The following LINGO2 variants were observed in gnomAD, a reference collection of about 807,000 sequenced individuals.
The protein encoded by LINGO2 is leucine-rich repeat and immunoglobulin-like domain-containing nogo receptor-interacting protein 2.
LINGO2 carries 14 observed loss-of-function variants against 30.6 expected under a neutral mutation model. The ratio of observed to expected loss-of-function variants is 0.46; its 90% confidence interval spans 0.30 to 0.72. LINGO2 has a LOEUF of 0.72. Among genes scored for constraint, LINGO2 ranks in the 30% least tolerant of loss-of-function variants. LINGO2 has a pLI of 0.07. For synonymous variants in LINGO2, 317 were observed against 288.5 expected (o/e 1.10, Z -1.00); for missense variants, 729 against 751.7 (o/e 0.97, Z 0.35).
intron 4 of LINGO2, among the ~76,000 whole-genome samples, chr9:28,021,714 G>A (rs1823133423): frequency 6.6e-6 from 1 of 152,074 alleles, no homozygotes; most frequent in Admixed American, 6.6e-5. Flanking sequence ...TACTCTTGGA[G>A]AACTGACCTA....
the LINGO2 span, among the ~76,000 whole-genome samples, chr9:29,101,201 G>A: frequency 1.3e-5 from 2 of 152,156 alleles, no homozygotes; most frequent in Non-Finnish European, 2.9e-5. Context: ...TTGGAAAGGA[G>A]TAATACAACA....
At chr9:28,950,684 A>G in the LINGO2 span, among the ~76,000 whole-genome samples, 2 of 152,190 alleles carry the variant, frequency 1.3e-5, no homozygotes, top group African/African-American at 4.8e-5. Context: ...AATACAAGTT[A>G]CAAGGGATGT....
chr9:28,565,150 T>C (rs1156752398), intron 1 of LINGO2, among the ~76,000 whole-genome samples: 2 of 152,174 alleles, frequency 1.3e-5, no homozygotes, highest in African/African-American at 4.8e-5. Context: ...GTTTAATTTA[T>C]AATATTCACA....
chr9:29,138,340 G>A, the LINGO2 span, among the ~76,000 whole-genome samples: 1 of 151,910 alleles, frequency 6.6e-6, no homozygotes. Flanking sequence ...CAGAAACTTA[G>A]ACCCAAAAGT....
rs183107361 is a variant in LINGO2 at position 28,021,722 on chromosome 9, C to T, written c.-86-9317G>A. ...TGTTATGTACTCTTGGAGAACTGAC[C>T]TATTTATATAATGCTCTTTATCCCA... On this transcript the variant is annotated intron_variant, in intron 4 of 5. Transcript: ENST00000379992. 3.8e-4 allele frequency among the ~76,000 whole-genome samples: 58 copies of T among 152,128 alleles called. No homozygotes were observed. The East Asian group carries it at 0.01, about 26-fold the overall frequency.
chr9:28,742,871 T>C, the LINGO2 span, among the ~76,000 whole-genome samples: 1 of 151,966 alleles, frequency 6.6e-6, no homozygotes, highest in African/African-American at 2.4e-5. Context: ...AAATACATTA[T>C]ACTTATATTT....
intron 2 of LINGO2, among the ~76,000 whole-genome samples, chr9:28,400,600 G>A (rs1822223934): frequency 6.6e-6 from 1 of 152,108 alleles, no homozygotes; most frequent in African/African-American, 2.4e-5. Context: ...TGCATTGTAA[G>A]GTATCGTTAA....
chr9:28,662,641 T>G (rs1242762086), intron 1 of LINGO2, among the ~76,000 whole-genome samples: 1 of 152,188 alleles, frequency 6.6e-6, no homozygotes, highest in Admixed American at 6.5e-5. Context: ...CAACTTAATC[T>G]CTTTAGCCCT....
chr9:28,187,398 G>A (rs1232640952), intron 4 of LINGO2, among the ~76,000 whole-genome samples: 1 of 151,840 alleles, frequency 6.6e-6, no homozygotes, highest in African/African-American at 2.4e-5. Flanking sequence ...GCTGAGGCAG[G>A]AGAATCAGTT....
the LINGO2 span, among the ~76,000 whole-genome samples, chr9:28,787,351 G>C: frequency 6.6e-6 from 1 of 152,080 alleles, no homozygotes; most frequent in Non-Finnish European, 1.5e-5. Flanking sequence ...GTATATAACT[G>C]TATCTATACC....
At chr9:27,962,211 T>C (rs1819882816) in intron 5 of LINGO2, among the ~76,000 whole-genome samples, 1 of 152,168 alleles carries the variant, frequency 6.6e-6, no homozygotes, top group Non-Finnish European at 1.5e-5. Context: ...TCGTTTTTTA[T>C]AGATTCCACT....
chr9:29,141,219 A>G, the LINGO2 span, among the ~76,000 whole-genome samples: 1 of 152,052 alleles, frequency 6.6e-6, no homozygotes, highest in African/African-American at 2.4e-5. Context: ...TAAAAAAACT[A>G]TAACTATAAA....
chr9:29,102,084 C>CA, the LINGO2 span, among the ~76,000 whole-genome samples: 1 of 145,100 alleles, frequency 6.9e-6, no homozygotes, highest in African/African-American at 2.5e-5. Context: ...ACATCTGCAT[C>CA]TTTTTTTTTT....
chr9:29,088,462 C>T, the LINGO2 span, among the ~76,000 whole-genome samples: 28,543 of 152,094 alleles, frequency 0.19, 2,753 homozygotes, highest in South Asian at 0.25. Context: ...CCATTCTTTA[C>T]ACCTTAGATA....
At chr9:29,051,612 G>T in the LINGO2 span, among the ~76,000 whole-genome samples, 1 of 152,092 alleles carries the variant, frequency 6.6e-6, no homozygotes, top group African/African-American at 2.4e-5. Flanking sequence ...TCTCATATGA[G>T]ATGTTTTCCT....
At chr9:28,562,812 T>G (rs550065884) in intron 1 of LINGO2, among the ~76,000 whole-genome samples, 2 of 152,224 alleles carry the variant, frequency 1.3e-5, no homozygotes, top group Non-Finnish European at 2.9e-5. Flanking sequence ...TTACAAAAAC[T>G]GTTTGAATAA....
At chr9:28,993,635 G>GAATAA in the LINGO2 span, among the ~76,000 whole-genome samples, 1 of 150,366 alleles carries the variant, frequency 6.7e-6, no homozygotes, top group Non-Finnish European at 1.5e-5. Flanking sequence ...CTAGCAAACC[G>GAATAA]AATCCAGCAG....
the LINGO2 span, among the ~76,000 whole-genome samples, chr9:28,874,537 T>C: frequency 6.6e-6 from 1 of 152,068 alleles, no homozygotes; most frequent in Non-Finnish European, 1.5e-5. Context: ...AACAAAATCA[T>C]ATATTTTTCA....
intron 2 of LINGO2, among the ~76,000 whole-genome samples, chr9:28,450,801 C>T (rs1167989855): frequency 6.6e-6 from 1 of 151,866 alleles, no homozygotes; most frequent in Non-Finnish European, 1.5e-5. Flanking sequence ...ATTAACTTGG[C>T]TGGAAGAGAT....
Sources: gnomAD v4.1 joint callset for allele counts (sites outside exome capture counted in the v4.1 genomes callset) on GRCh38, gnomAD v4.1.1 for gene constraint, MANE v1.5 for transcripts, NCBI Gene and HGNC (gene_info 2026-07-23, HGNC 2026-07-21) for gene names.